PLG: variants seen among roughly 807,000 people sequenced by gnomAD.
The protein encoded by PLG is plasminogen, also known as plasmin.
PLG carries 41 observed loss-of-function variants against 104.4 expected under a neutral mutation model. That is an observed-to-expected ratio of 0.39 (90% CI 0.31 to 0.51). The LOEUF is 0.51. Among genes scored for constraint, PLG ranks in the 20% least tolerant of loss-of-function variants. The pLI, the probability that PLG is intolerant of heterozygous loss-of-function variation, is 0.76. For missense variants in PLG, 891 were observed against 1,003.6 expected (o/e 0.89, Z 1.52); for synonymous variants, 337 against 357.1 (o/e 0.94, Z 0.63).
chr6:160,747,994 T>C (rs1248652723), intron 17 of PLG, among the ~76,000 whole-genome samples: 1 of 152,168 alleles, frequency 6.6e-6, no homozygotes, highest in Non-Finnish European at 1.5e-5. Context: ...ATTTACTGGC[T>C]GTCAGGACTT....
intron 1 of PLG, among the ~76,000 whole-genome samples, chr6:160,704,067 C>G (rs1582928481): frequency 6.6e-6 from 1 of 152,248 alleles, no homozygotes; most frequent in Non-Finnish European, 1.5e-5. Flanking sequence ...AATTCTCACA[C>G]CATTAATAAA....
chr6:160,744,816 A>C lies in PLG; in HGVS notation c.2125+3399A>C, dbSNP rs190155012. ...TGGTGCTATGAATTTCTCTCTTAAC[A>C]CTACCTTAGCTCTGTCCAAGAGATT... On this transcript the variant is annotated intron_variant, in intron 17 of 18. Transcript: ENST00000308192. This position sits in a 1 kb window ranked among gnomAD's most constrained non-coding sequence, Gnocchi z 4.5. Among the ~76,000 whole-genome samples the C allele has an allele frequency of 1.3e-5, 2 of 152,252 alleles. No individual in the cohort carries two copies. Among genetic ancestry groups the C allele is most frequent in the African/African-American group, 4.8e-5 (2 of 41,540 alleles).
Position 160,718,839 on chromosome 6 carries a change from G to GTAA in PLG, c.1096+2_1096+4dup. 6.2e-7 allele frequency: 1 copy of GTAA among 1,613,610 alleles called. No homozygotes were observed. The highest frequency in any genetic ancestry group is 8.5e-7 in the Non-Finnish European group (1 of 1,179,562). ...TCCACGGAACAATTGGCTCCCACAG[G>GTAA]TAAGCAAGGGTATGGGAGCTTACTG... On this transcript the variant is annotated splice_donor_variant, in intron 9 of 18. Transcript: ENST00000308192. LOFTEE classifies it high-confidence loss of function.
chr6:160,736,816 T>G lies in PLG; in HGVS notation c.1682-71T>G. 6 of 1,598,366 alleles carry G rather than the reference T, an allele frequency of 3.8e-6. No individual in the cohort carries two copies. The highest frequency in any genetic ancestry group is 5.1e-6 in the Non-Finnish European group (6 of 1,167,356). The stretch of plus-strand genomic sequence containing the variant: ...GATGTCAAAAACTCAGTGCTTGGAA[T>G]TTGTCTCGAATTACACCACAAAATT... On this transcript the variant is annotated intron_variant, in intron 13 of 18. Coordinates refer to ENST00000308192, the MANE Select transcript of PLG (RefSeq NM_000301.5). This position sits in a 1 kb window ranked among gnomAD's most constrained non-coding sequence, Gnocchi z 5.2.
Position 160,719,335 on chromosome 6 carries a change from C to G in PLG, c.1096+497C>G, listed in dbSNP as rs2115164385. On this transcript the variant is annotated intron_variant, in intron 9 of 18. Transcript: ENST00000308192. The surrounding 1 kb of genome is among the most constrained non-coding windows in gnomAD (Gnocchi z 4.1). ...ACCCCTTTATCTTTATGTAATGTTT[C>G]TTCTTATCTCTGGGAATATTTCTTC... 6.6e-6 allele frequency among the ~76,000 whole-genome samples: 1 copy of G among 152,186 alleles called. No individual in the cohort carries two copies. The highest frequency in any genetic ancestry group is 2.4e-5 in the African/African-American group (1 of 41,540).
Position 160,716,660 on chromosome 6 carries a change from C to A in PLG, c.684C>A (p.Asn228Lys). ...GYIPSKFPNKNLKKNYCRNPD... is the reference protein window; with the variant it reads ...GYIPSKFPNKKLKKNYCRNPD... ...GTCCATTCAGATTTCCAAACAAGAA[C>A]CTGAAGAAGAATTACTGTCGTAACC... Residue 228 changes from asparagine (N) to lysine (K), a missense_variant, in exon 7 of 19, where the codon AAC becomes AAA. Coordinates refer to ENST00000308192, the MANE Select transcript of PLG (RefSeq NM_000301.5). 6.2e-7 allele frequency: 1 copy of A among 1,603,714 alleles called. No homozygotes were observed. Among genetic ancestry groups the A allele is most frequent in the Non-Finnish European group, 8.5e-7 (1 of 1,170,616 alleles).
At position 160,751,265 on chromosome 6, in the gene PLG, A is replaced by G. The variant is rs368271964; in HGVS notation, c.2126-850A>G. Among the ~76,000 whole-genome samples, 88 of 152,354 alleles carry G rather than the reference A, an allele frequency of 5.8e-4. 1 individual carries two copies. The South Asian group carries it at 0.018, about 31-fold the overall frequency. The stretch of plus-strand genomic sequence containing the variant: ...AAAGATGTGGAAAGCTGGAAGCAAG[A>G]GTGGGGCCAACACGCATGGGGAGGA... On this transcript the variant is annotated intron_variant, in intron 17 of 18. Transcript: ENST00000308192.
At chr6:160,704,249 T>C (rs1777477544) in intron 1 of PLG, among the ~76,000 whole-genome samples, 1 of 152,234 alleles carries the variant, frequency 6.6e-6, no homozygotes, top group South Asian at 2.1e-4. Flanking sequence ...GGAAAATTAT[T>C]TCAAACTGAA....
At chr6:160,713,154 A>C in intron 5 of PLG, 29 bp downstream of exon 5, 1 of 1,572,300 alleles carries the variant, frequency 6.4e-7, no homozygotes, top group Non-Finnish European at 8.7e-7. Flanking sequence ...AAATGTTTTC[A>C]TTTCTGCCCT....
intron 9 of PLG, among the ~76,000 whole-genome samples, chr6:160,720,836 G>A (rs1322461025): frequency 6.6e-6 from 1 of 151,992 alleles, no homozygotes; most frequent in East Asian, 1.9e-4. Context: ...CCACGTGTTT[G>A]GGATTCTAAG....
At position 160,738,268 on chromosome 6, in the gene PLG, G is replaced by A. The variant is rs552060667; in HGVS notation, c.1803-270G>A. Among the ~76,000 whole-genome samples, 7 of 152,260 alleles carry A rather than the reference G, an allele frequency of 4.6e-5. No homozygotes were observed. The highest frequency in any genetic ancestry group is 1.2e-4 in the African/African-American group (5 of 41,558). ...AAGCCGTGGCTGTAGAGCTTCATGC[G>A]GAGTTACTTAGCTTTGCTCTCCTGT... On this transcript the variant is annotated intron_variant, in intron 14 of 18. Coordinates refer to ENST00000308192, the MANE Select transcript of PLG (RefSeq NM_000301.5). This position sits in a 1 kb window ranked among gnomAD's most constrained non-coding sequence, Gnocchi z 6.8.
In PLG at chr6:160,718,463, C is replaced by A. The variant is rs1267610094; in HGVS notation, c.950+7C>A. ...CAGAAAACTTCCCCTGCAAGTAAGTCCCCTCCGGTCTCATTCTGCTGCTAT... is the reference window on the plus strand; with the variant it reads ...CAGAAAACTTCCCCTGCAAGTAAGTACCCTCCGGTCTCATTCTGCTGCTAT... On this transcript the variant is annotated splice_region_variant and intron_variant, in intron 8 of 18. Transcript: ENST00000308192. 6 of 1,604,864 alleles carry A rather than the reference C, an allele frequency of 3.7e-6. No individual in the cohort carries two copies. Among genetic ancestry groups the A allele is most frequent in the Admixed American group, 1.7e-5 (1 of 59,994 alleles).
At chr6:160,704,508 A>C (rs1479269116) in intron 1 of PLG, among the ~76,000 whole-genome samples, 1 of 152,246 alleles carries the variant, frequency 6.6e-6, no homozygotes, top group African/African-American at 2.4e-5. Flanking sequence ...GTGTGTTTTG[A>C]AGTCACACTG....
At chr6:160,712,533 A>C (rs1777663389) in intron 4 of PLG, among the ~76,000 whole-genome samples, 1 of 152,192 alleles carries the variant, frequency 6.6e-6, no homozygotes. Flanking sequence ...AGGGATAATA[A>C]CACCTTCCTC....
At chr6:160,705,455 C>T (rs1341811371) in intron 1 of PLG, 1 of 152,234 alleles carries the variant, frequency 6.6e-6, no homozygotes, top group African/African-American at 2.4e-5. Context: ...ACAATTTCCT[C>T]CGAAATCCAG....
chr6:160,730,351 T>G (rs1777980816), intron 10 of PLG, among the ~76,000 whole-genome samples: 1 of 152,212 alleles, frequency 6.6e-6, no homozygotes, highest in Non-Finnish European at 1.5e-5. Context: ...CAGGAGAGGA[T>G]GTCCTGCCCA....
At chr6:160,707,594 T>A in intron 2 of PLG, 106 bp from the exon 3 acceptor site, 1 of 1,191,018 alleles carries the variant, frequency 8.4e-7, no homozygotes, top group Non-Finnish European at 1.2e-6. Flanking sequence ...AGCTCTCTGG[T>A]CCCTCAAGAT....
In PLG at chr6:160,725,973, A is replaced by G. The variant is rs1425309150; in HGVS notation, c.1256+3406A>G. Among the ~76,000 whole-genome samples, 1 of 152,204 alleles carries G rather than the reference A, an allele frequency of 6.6e-6. No homozygotes were observed. Among genetic ancestry groups the G allele is most frequent in the Non-Finnish European group, 1.5e-5 (1 of 68,010 alleles). On this transcript the variant is annotated intron_variant, in intron 10 of 18. Coordinates refer to ENST00000308192, the MANE Select transcript of PLG (RefSeq NM_000301.5). This position sits in a 1 kb window ranked among gnomAD's most constrained non-coding sequence, Gnocchi z 6.3. ...CAAACACTGACAGAACTGAAGAGAC[A>G]AACAGATAAGCCCACAATTAGAGTG...
chr6:160,751,376 G>T (rs1778396538), intron 17 of PLG, among the ~76,000 whole-genome samples: 2 of 152,178 alleles, frequency 1.3e-5, no homozygotes, highest in African/African-American at 4.8e-5. Context: ...CAGTAGAACA[G>T]AAATGATAAA....
Sources: gnomAD v4.1 joint callset for allele counts (sites outside exome capture counted in the v4.1 genomes callset) on GRCh38, gnomAD v4.1.1 for gene constraint, Gnocchi (gnomAD v3.1) non-coding constraint, MANE v1.5 for transcripts, NCBI Gene and HGNC (gene_info 2026-07-23, HGNC 2026-07-21) for gene names.